HIBCH: variants seen among roughly 807,000 people sequenced by gnomAD.
HIBCH encodes 3-hydroxyisobutyryl-CoA hydrolase, also known as 3-hydroxyisobutyryl-CoA hydrolase, mitochondrial.
Under a neutral mutation model 58.2 loss-of-function variants are expected in HIBCH, and 50 were observed. The observed-to-expected ratio is 0.86, with a 90% CI of 0.68 to 1.09. HIBCH has a LOEUF of 1.09. HIBCH is among the 50% of genes least tolerant of loss of function. The probability of loss-of-function intolerance (pLI) is 0.00; values close to 1 mark genes in which losing one functional copy is unlikely to be tolerated. For missense variants in HIBCH, 450 were observed against 449.7 expected, an observed-to-expected ratio of 1.00 and a Z score of -0.01; for synonymous variants, 151 against 146.9, an observed-to-expected ratio of 1.03 and a Z score of -0.20.
chr2:190,299,522 T>C (rs77350657), intron 2 of HIBCH, among the ~76,000 whole-genome samples: 9 of 143,626 alleles, frequency 6.3e-5, no homozygotes, highest in East Asian at 2.1e-4. Context: ...CACACACACA[T>C]ATCTGATATA....
Position 190,259,984 on chromosome 2 carries a change from T to C in HIBCH, c.517+1172A>G, listed in dbSNP as rs1254105591. On this transcript the variant is annotated intron_variant, in intron 7 of 13. Transcript: ENST00000359678. Reference sequence around the variant, plus strand: ...CTTAATTGGTAGAAGACTAAATGCTTTCCCCTAAAATCAGGAACAAGGAAA... The same window carrying C: ...CTTAATTGGTAGAAGACTAAATGCTCTCCCCTAAAATCAGGAACAAGGAAA... Among the ~76,000 whole-genome samples the C allele has an allele frequency of 1.0e-3, 153 of 152,184 alleles. 1 individual carries two copies. The highest frequency in any genetic ancestry group is 2.5e-4 in the Non-Finnish European group (17 of 68,032).
At chr2:190,280,653 TG>T (rs34218518) in intron 6 of HIBCH, among the ~76,000 whole-genome samples, 84,685 of 151,908 alleles carry the variant, frequency 0.56, 24,343 homozygotes, top group South Asian at 0.61. Flanking sequence ...ATGCCTCAAA[TG>T]AGCATGCGCA....
intron 6 of HIBCH, among the ~76,000 whole-genome samples, chr2:190,280,405 C>T (rs1175662535): frequency 6.6e-6 from 1 of 152,106 alleles, no homozygotes; most frequent in African/African-American, 2.4e-5. Flanking sequence ...AGGTGACCAT[C>T]AAGTGATGGT....
intron 12 of HIBCH, 60 bp from the exon 13 acceptor site, chr2:190,208,973 T>G (rs1690458211): frequency 6.8e-7 from 1 of 1,460,086 alleles, no homozygotes; most frequent in African/African-American, 1.4e-5. Flanking sequence ...CTGGGTTATT[T>G]TCTCTCTCCT....
intron 11 of HIBCH, among the ~76,000 whole-genome samples, chr2:190,222,759 T>A (rs923617573): frequency 1.3e-5 from 2 of 152,198 alleles, no homozygotes; most frequent in Admixed American, 6.5e-5. Flanking sequence ...GACCCAGCAA[T>A]CCCATTACTG....
rs1223632657 is a variant in HIBCH at position 190,190,249 on chromosome 2, GA to G, written c.*18-253del. On this transcript the variant is annotated intron_variant, in intron 1 of 1. Transcript: ENST00000399855. ...GTCCTTACTTCTTCCCACCCAAAGG[GA>G]ATCACTACTATGATTTCTATTCATA... Among the ~76,000 whole-genome samples the G allele has an allele frequency of 6.6e-5, 10 of 152,218 alleles. 1 individual carries two copies. The East Asian group carries it at 1.9e-3, about 29-fold the overall frequency.
chr2:190,224,603 C>T (rs1044110252), intron 11 of HIBCH, among the ~76,000 whole-genome samples: 4 of 152,148 alleles, frequency 2.6e-5, no homozygotes, highest in Non-Finnish European at 4.4e-5. Flanking sequence ...AATATATATG[C>T]ACCCAATACA....
At chr2:190,319,444 G>A (rs1401027975) in intron 1 of HIBCH, among the ~76,000 whole-genome samples, 1 of 152,198 alleles carries the variant, frequency 6.6e-6, no homozygotes, top group Non-Finnish European at 1.5e-5. Flanking sequence ...AGAAACTGAG[G>A]CCAAAAGAAT....
chr2:190,319,634 G>A (rs1302469973), intron 1 of HIBCH, 82 bp downstream of exon 1: 2 of 1,216,684 alleles, frequency 1.6e-6, no homozygotes, highest in Non-Finnish European at 2.4e-6. Context: ...TTCGAGGCCA[G>A]CAGTCTCCAC....
At chr2:190,198,723 T>C (rs1345211099) in intron 1 of HIBCH, among the ~76,000 whole-genome samples, 1 of 148,618 alleles carries the variant, frequency 6.7e-6, no homozygotes, top group Non-Finnish European at 1.5e-5. Context: ...TAAGATACAA[T>C]CAGGGACCAT....
At chr2:190,295,497 T>G (rs907858412) in intron 3 of HIBCH, among the ~76,000 whole-genome samples, 7 of 152,190 alleles carry the variant, frequency 4.6e-5, no homozygotes, top group Non-Finnish European at 8.8e-5. Context: ...GGTGTGGAAT[T>G]TTCCACTTGT....
intron 11 of HIBCH, among the ~76,000 whole-genome samples, chr2:190,239,008 G>C (rs1186861738): frequency 6.6e-6 from 1 of 152,128 alleles, no homozygotes; most frequent in Admixed American, 6.5e-5. Context: ...TGTTGCAATT[G>C]CTTTTGGTGG....
chr2:190,192,658 CTGTT>C (rs764178069), intron 1 of HIBCH, among the ~76,000 whole-genome samples: 136 of 152,078 alleles, frequency 8.9e-4, no homozygotes, highest in Non-Finnish European at 1.5e-3. Context: ...CAGCATTTGT[CTGTT>C]TGTTTAGGTT....
intron 11 of HIBCH, among the ~76,000 whole-genome samples, chr2:190,226,503 G>A (rs1053789073): frequency 4.6e-5 from 7 of 150,686 alleles, no homozygotes; most frequent in Non-Finnish European, 7.4e-5. Flanking sequence ...GCTGAGGCAG[G>A]AGAATCGCTT....
Position 190,216,736 on chromosome 2 carries a change from G to C in HIBCH, c.892-3661C>G, listed in dbSNP as rs1221138261. 6.6e-6 allele frequency among the ~76,000 whole-genome samples: 1 copy of C among 152,248 alleles called. No homozygotes were observed. Among genetic ancestry groups the C allele is most frequent in the Non-Finnish European group, 1.5e-5 (1 of 68,050 alleles). On this transcript the variant is annotated intron_variant, in intron 11 of 13. Coordinates refer to ENST00000359678, the MANE Select transcript of HIBCH (RefSeq NM_014362.4). The surrounding 1 kb of genome is among the most constrained non-coding windows in gnomAD (Gnocchi z 4.2). ...AAGAGGATGCCAGTTTGCAATCCCT[G>C]AAGTAGAGAGAGCTCGTGCTGGGGA...
At chr2:190,311,613 T>C (rs2124864114) in intron 1 of HIBCH, among the ~76,000 whole-genome samples, 1 of 152,266 alleles carries the variant, frequency 6.6e-6, no homozygotes, top group East Asian at 1.9e-4. Flanking sequence ...TCCGCAAGCA[T>C]TTGCACTAGG....
chr2:190,221,464 T>C (rs1003861092), intron 11 of HIBCH, among the ~76,000 whole-genome samples: 8 of 152,230 alleles, frequency 5.3e-5, no homozygotes, highest in Non-Finnish European at 1.2e-4. Context: ...TTTAACATGT[T>C]TAATCACAAT....
chr2:190,249,159 T>C (rs922247789), intron 9 of HIBCH, among the ~76,000 whole-genome samples: 4 of 152,210 alleles, frequency 2.6e-5, no homozygotes, highest in Non-Finnish European at 5.9e-5. Context: ...AATGGTGTTT[T>C]AGGAGGCAGC....
At position 190,209,407 on chromosome 2, in the gene HIBCH, C is replaced by CA. The variant is rs780639244; in HGVS notation, c.1012-495dup. 1.3e-4 allele frequency among the ~76,000 whole-genome samples: 20 copies of CA among 152,202 alleles called. No individual in the cohort carries two copies. Among genetic ancestry groups the CA allele is most frequent in the Non-Finnish European group, 2.6e-4 (18 of 68,030 alleles). ...ATTTAAAATTCATGATCAAAAATCTCAAACAGGCACAGAAAACTGCCAAAC... is the reference window on the plus strand; with the variant it reads ...ATTTAAAATTCATGATCAAAAATCTCAAAACAGGCACAGAAAACTGCCAAAC... On this transcript the variant is annotated intron_variant, in intron 12 of 13. Transcript: ENST00000359678. This position sits in a 1 kb window ranked among gnomAD's most constrained non-coding sequence, Gnocchi z 5.6.
Sources: gnomAD v4.1 joint callset for allele counts (sites outside exome capture counted in the v4.1 genomes callset) on GRCh38, gnomAD v4.1.1 for gene constraint, Gnocchi (gnomAD v3.1) non-coding constraint, MANE v1.5 for transcripts, NCBI Gene and HGNC (gene_info 2026-07-23, HGNC 2026-07-21) for gene names.